Variants in CCDC85C observed in about 807,000 individuals in gnomAD.
CCDC85C encodes coiled-coil domain-containing protein 85C.
A neutral mutation model predicts 38.3 loss-of-function variants in CCDC85C; 18 were observed. That is an observed-to-expected ratio of 0.47 (90% CI 0.33 to 0.70). CCDC85C has a LOEUF of 0.70. Among genes scored for constraint, CCDC85C ranks in the 30% least tolerant of loss-of-function variants. CCDC85C has a pLI of 0.03. For synonymous variants in CCDC85C, 264 were observed against 293.8 expected (o/e 0.90, Z 1.04); for missense variants, 566 against 621.2 (o/e 0.91, Z 0.94).
intron 1 of CCDC85C, among the ~76,000 whole-genome samples, chr14:99,577,415 TG>T (rs1566779988): frequency 7.6e-6 from 1 of 131,142 alleles, no homozygotes; most frequent in African/African-American, 2.8e-5. Flanking sequence ...ACAGGGTGGG[TG>T]GGACAGACAG....
rs1285549074 is a variant in CCDC85C at position 99,558,572 on chromosome 14, G to C, written c.794-22484C>G. On this transcript the variant is annotated intron_variant, in intron 1 of 5. Transcript: ENST00000380243. This position sits in a 1 kb window ranked among gnomAD's most constrained non-coding sequence, Gnocchi z 4.2. ...GGAGGTGGAGGTTGCAGTGAGCCAA[G>C]ATTGTGCCACTGCACTCCAGCCTGG... Among the ~76,000 whole-genome samples the C allele has an allele frequency of 6.6e-6, 1 of 152,218 alleles. No homozygotes were observed. The highest frequency in any genetic ancestry group is 1.5e-5 in the Non-Finnish European group (1 of 68,040).
At chr14:99,517,060 T>C (rs2139896421) in intron 4 of CCDC85C, 28 bp downstream of exon 4, 9 of 1,543,706 alleles carry the variant, frequency 5.8e-6, no homozygotes, top group African/African-American at 5.5e-5. Context: ...ATCTGAGGAC[T>C]TCTGAGGGAG....
At chr14:99,547,847 T>C (rs1190653885) in intron 1 of CCDC85C, among the ~76,000 whole-genome samples, 1 of 151,718 alleles carries the variant, frequency 6.6e-6, no homozygotes, top group African/African-American at 2.4e-5. Context: ...TGTGTGTATA[T>C]ACACATATAT....
In CCDC85C at chr14:99,510,313, C is replaced by A; in HGVS notation, c.*4933G>T. ...CCACACCGGCCCCCGCCCCCACCCC[C>A]CTCCAGCTACATGACCGGGATGTCC... On this transcript the variant is annotated 3_prime_UTR_variant, in exon 6 of 6. Transcript: ENST00000380243. The A allele has an allele frequency of 6.4e-7, 1 of 1,567,644 alleles. No homozygotes were observed. Among genetic ancestry groups the A allele is most frequent in the Non-Finnish European group, 8.7e-7 (1 of 1,147,452 alleles).
chr14:99,598,096 G>A (rs150923266), intron 1 of CCDC85C, among the ~76,000 whole-genome samples: 32 of 152,344 alleles, frequency 2.1e-4, no homozygotes, highest in Non-Finnish European at 4.0e-4. Context: ...CATGCGGGGT[G>A]CCGAGCGCTG....
intron 1 of CCDC85C, among the ~76,000 whole-genome samples, chr14:99,547,772 C>T (rs1472559206): frequency 6.7e-6 from 1 of 148,676 alleles, no homozygotes; most frequent in Non-Finnish European, 1.5e-5. Context: ...AGACTCTGTC[C>T]CAAAGAAAAA....
At chr14:99,524,598 A>C (rs1897348941) in intron 2 of CCDC85C, among the ~76,000 whole-genome samples, 1 of 152,244 alleles carries the variant, frequency 6.6e-6, no homozygotes. Context: ...AAAAACACAC[A>C]ATCTCTCATT....
At chr14:99,536,866 C>G (rs1013845428) in intron 1 of CCDC85C, among the ~76,000 whole-genome samples, 2 of 152,212 alleles carry the variant, frequency 1.3e-5, no homozygotes, top group African/African-American at 2.4e-5. Context: ...TCCCCACCCC[C>G]ACGTCCAGCC....
intron 1 of CCDC85C, among the ~76,000 whole-genome samples, chr14:99,540,377 A>G (rs1897688287): frequency 6.6e-6 from 1 of 152,160 alleles, no homozygotes; most frequent in South Asian, 2.1e-4. Context: ...GGGCACTCCC[A>G]GGCGGGGGCT....
chr14:99,578,637 A>C (rs911468673), intron 1 of CCDC85C, among the ~76,000 whole-genome samples: 1 of 152,214 alleles, frequency 6.6e-6, no homozygotes, highest in African/African-American at 2.4e-5. Context: ...AATGATTTAA[A>C]AGCATCCCTC....
rs139406978 is a variant in CCDC85C, at chr14:99,542,393, G to A, written c.794-6305C>T. On this transcript the variant is annotated intron_variant, in intron 1 of 5. Transcript: ENST00000380243. ...AGCTCCAAGAACCAGGGACACGGACGGAGATGCAGATTCCAGAAAAACCCG... is the reference window on the plus strand; with the variant it reads ...AGCTCCAAGAACCAGGGACACGGACAGAGATGCAGATTCCAGAAAAACCCG... 4.8e-3 allele frequency among the ~76,000 whole-genome samples: 738 copies of A among 152,298 alleles called. 9 individuals carry two copies. Among genetic ancestry groups the A allele is most frequent in the South Asian group, 0.028 (137 of 4,822 alleles).
intron 1 of CCDC85C, among the ~76,000 whole-genome samples, chr14:99,541,019 T>A (rs1897702291): frequency 6.6e-6 from 1 of 152,164 alleles, no homozygotes; most frequent in Non-Finnish European, 1.5e-5. Context: ...ACTGGCAAGA[T>A]GATGTCACCT....
At chr14:99,593,726 G>C (rs2055114168) in intron 1 of CCDC85C, among the ~76,000 whole-genome samples, 1 of 152,374 alleles carries the variant, frequency 6.6e-6, no homozygotes, top group Middle Eastern at 3.4e-3. Flanking sequence ...CTCGCCCCTA[G>C]CTGGCCTGCT....
chr14:99,573,280 G>A (rs1006188036), intron 1 of CCDC85C, among the ~76,000 whole-genome samples: 2 of 152,216 alleles, frequency 1.3e-5, no homozygotes, highest in East Asian at 1.9e-4. Flanking sequence ...GACTCTAGCA[G>A]GAACCCTCAG....
At chr14:99,565,418 C>T (rs1209167609) in intron 1 of CCDC85C, among the ~76,000 whole-genome samples, 1 of 152,242 alleles carries the variant, frequency 6.6e-6, no homozygotes, top group Non-Finnish European at 1.5e-5. Context: ...GGAAAGCCTT[C>T]AATCCCTCCC....
At chr14:99,559,389 G>C (rs1426245106) in intron 1 of CCDC85C, among the ~76,000 whole-genome samples, 1 of 152,148 alleles carries the variant, frequency 6.6e-6, no homozygotes, top group East Asian at 1.9e-4. Flanking sequence ...GCCATTCGTG[G>C]TAGTGCCGTA....
chr14:99,578,047 CAG>C (rs1491198002), intron 1 of CCDC85C, among the ~76,000 whole-genome samples: 7 of 132,060 alleles, frequency 5.3e-5, no homozygotes, highest in Non-Finnish European at 4.6e-5. Context: ...TATCCCCCAT[CAG>C]AGTGTGTGTG....
At position 99,504,237 on chromosome 14, in the gene CCDC85C, A is replaced by G. The variant is rs569668353; in HGVS notation, c.*11009T>C. 3 of 194,602 alleles carry G rather than the reference A, an allele frequency of 1.5e-5. No homozygotes were observed. The highest frequency in any genetic ancestry group is 3.5e-4 in the East Asian group (2 of 5,646). The allele number at this position is 194,602 out of a possible 1,614,324, so 12.1% of individuals were successfully genotyped here. A position where few individuals can be genotyped will look rare whatever the true frequency, so the allele number is the denominator to read the frequency against. ...GTTTTGTCACAGGGTCAGTCCACCTATCATACTGAACTCTTTGAAGGCACA... is the reference window on the plus strand; with the variant it reads ...GTTTTGTCACAGGGTCAGTCCACCTGTCATACTGAACTCTTTGAAGGCACA... On this transcript the variant is annotated 3_prime_UTR_variant, in exon 6 of 6. Transcript: ENST00000380243.
At chr14:99,541,224 CCCA>C (rs915956545) in intron 1 of CCDC85C, among the ~76,000 whole-genome samples, 2 of 152,224 alleles carry the variant, frequency 1.3e-5, no homozygotes, top group African/African-American at 4.8e-5. Flanking sequence ...CTGGCTCCGT[CCCA>C]CCATCTCCCA....
Sources: gnomAD v4.1 joint callset for allele counts (sites outside exome capture counted in the v4.1 genomes callset) on GRCh38, gnomAD v4.1.1 for gene constraint, Gnocchi (gnomAD v3.1) non-coding constraint, MANE v1.5 for transcripts, NCBI Gene and HGNC (gene_info 2026-07-23, HGNC 2026-07-21) for gene names.